Variants in TADA2A observed in about 807,000 individuals in gnomAD.
The protein encoded by TADA2A is transcriptional adapter 2-alpha.
Under a neutral mutation model 67.4 loss-of-function variants are expected in TADA2A, and 38 were observed. The observed-to-expected ratio is 0.56, with a 90% CI of 0.44 to 0.74. TADA2A has a LOEUF of 0.74. Ranked by LOEUF, TADA2A falls within the 30% of genes least tolerant of loss-of-function variation. The pLI is 0.00. For synonymous variants in TADA2A, 192 were observed against 181.6 expected (o/e 1.06, Z -0.46); for missense variants, 454 against 547.0 (o/e 0.83, Z 1.70).
intron 13 of TADA2A, 45 bp downstream of exon 13, chr17:37,470,577 C>G: frequency 1.4e-6 from 2 of 1,472,508 alleles, no homozygotes; most frequent in African/African-American, 1.4e-5. Context: ...TTCTGGGATG[C>G]CTTGGCCTTC....
rs906211923 is a variant in TADA2A at position 37,421,479 on chromosome 17, T to C, written c.26-2030T>C. On this transcript the variant is annotated intron_variant, in intron 2 of 15. Transcript: ENST00000615182. Reference sequence around the variant, plus strand: ...CCAAAATATGTATTTAGAAGAGACATGTATTTAGAGGCTAGCTGAGTGTGA... The same window carrying C: ...CCAAAATATGTATTTAGAAGAGACACGTATTTAGAGGCTAGCTGAGTGTGA... Among the ~76,000 whole-genome samples, 7 of 146,964 alleles carry C rather than the reference T, an allele frequency of 4.8e-5. 2 individuals carry two copies. Among genetic ancestry groups the C allele is most frequent in the Middle Eastern group, 7.1e-3 (2 of 282 alleles).
At chr17:37,427,991 A>G (rs1378913266) in intron 4 of TADA2A, among the ~76,000 whole-genome samples, 7 of 152,038 alleles carry the variant, frequency 4.6e-5, no homozygotes, top group African/African-American at 1.4e-4. Context: ...CAAAAAAAAA[A>G]AGACAGTTTT....
At chr17:37,463,342 G>A (rs1301362323) in intron 10 of TADA2A, among the ~76,000 whole-genome samples, 2 of 151,978 alleles carry the variant, frequency 1.3e-5, no homozygotes, top group Non-Finnish European at 2.9e-5. Flanking sequence ...ATAACCTAAT[G>A]GTTATTGTAA....
At chr17:37,463,074 G>A (rs1415269647) in intron 10 of TADA2A, among the ~76,000 whole-genome samples, 1 of 152,058 alleles carries the variant, frequency 6.6e-6, no homozygotes, top group Non-Finnish European at 1.5e-5. Context: ...CTGGGTGCAA[G>A]TGATCCTCCC....
chr17:37,431,307 C>T (rs1168233542), intron 4 of TADA2A, among the ~76,000 whole-genome samples: 1 of 152,038 alleles, frequency 6.6e-6, no homozygotes, highest in Admixed American at 6.6e-5. Flanking sequence ...GAGGGTGGCT[C>T]TTGGCTCCAC....
chr17:37,468,739 C>T (rs1437946925), intron 12 of TADA2A, among the ~76,000 whole-genome samples: 1 of 152,094 alleles, frequency 6.6e-6, no homozygotes, highest in African/African-American at 2.4e-5. Flanking sequence ...TGCATATAAG[C>T]ATAGCACAGT....
At chr17:37,457,174 T>C (rs748547325) in intron 8 of TADA2A, among the ~76,000 whole-genome samples, 4 of 143,992 alleles carry the variant, frequency 2.8e-5, no homozygotes, top group Non-Finnish European at 6.1e-5. Context: ...ACAATCATTA[T>C]TCTTTTTTTT....
intron 8 of TADA2A, among the ~76,000 whole-genome samples, chr17:37,451,551 A>T (rs2053233999): frequency 6.6e-6 from 1 of 151,924 alleles, no homozygotes; most frequent in Non-Finnish European, 1.5e-5. Context: ...CGAACTCCTA[A>T]GCTCAACCCA....
At chr17:37,421,190 G>T (rs2052220137) in intron 2 of TADA2A, among the ~76,000 whole-genome samples, 1 of 146,246 alleles carries the variant, frequency 6.8e-6, no homozygotes, top group South Asian at 2.2e-4. Flanking sequence ...AGACCAGTGT[G>T]GGCAACACAG....
At position 37,440,609 on chromosome 17, in the gene TADA2A, A is replaced by G. The variant is rs2052886550; in HGVS notation, c.389A>G (p.Asn130Ser). The change falls in exon 6 of 16, where the codon AAC becomes AGC. Residue 130 changes from asparagine to serine, a missense_variant. Asn to Ser is a conservative substitution (Grantham distance 46). Coordinates refer to ENST00000615182, the MANE Select transcript of TADA2A (RefSeq NM_001166105.3). ...CCTCTGTTTGCATCTACCCTGCTGAACCTGAAACAAGCAGAGGAAGCAAAA... is the reference window on the plus strand; with the variant it reads ...CCTCTGTTTGCATCTACCCTGCTGAGCCTGAAACAAGCAGAGGAAGCAAAA... ...NNPLFASTLL[N>S]LKQAEEAKTA... is the part of the protein sequence containing the mutation. 6 of 1,614,136 alleles carry G rather than the reference A, an allele frequency of 3.7e-6. No homozygotes were observed. The highest frequency in any genetic ancestry group is 4.2e-6 in the Non-Finnish European group (5 of 1,180,024).
chr17:37,475,101 G>A lies in TADA2A; in HGVS notation c.1146+472G>A, dbSNP rs112118729. Among the ~76,000 whole-genome samples, 813 of 151,774 alleles carry A rather than the reference G, an allele frequency of 5.4e-3. 3 individuals are homozygous for A. Among genetic ancestry groups the A allele is most frequent in the African/African-American group, 0.017 (696 of 41,426 alleles). On this transcript the variant is annotated intron_variant, in intron 15 of 15. Transcript: ENST00000615182. ...TCCAGAGCATGTTTATAAACCTAAG[G>A]AAAAGATTTCTACATCATATATAGT...
chr17:37,437,087 A>AT (rs779706863), intron 4 of TADA2A, among the ~76,000 whole-genome samples: 1,482 of 140,684 alleles, frequency 0.011, 33 homozygotes, highest in African/African-American at 0.03. Context: ...TTTATTTTTA[A>AT]TTTTTTTTTT....
intron 14 of TADA2A, among the ~76,000 whole-genome samples, chr17:37,471,352 A>G (rs1419666453): frequency 6.6e-6 from 1 of 152,204 alleles, no homozygotes; most frequent in African/African-American, 2.4e-5. Flanking sequence ...GAGTATAGAC[A>G]GTATAGAGAC....
intron 4 of TADA2A, 144 bp downstream of exon 4, chr17:37,427,153 C>T: frequency 1.7e-6 from 1 of 597,508 alleles, no homozygotes; most frequent in South Asian, 3.8e-5. Context: ...TACCTTTTCT[C>T]CCCTTCGGAA....
At chr17:37,445,213 A>G (rs1439653512) in intron 8 of TADA2A, among the ~76,000 whole-genome samples, 2 of 152,160 alleles carry the variant, frequency 1.3e-5, no homozygotes, top group Admixed American at 6.6e-5. Context: ...TTAGGCCCAA[A>G]TGGGGAATTT....
At chr17:37,412,170 C>T (rs1286607413) in intron 2 of TADA2A, among the ~76,000 whole-genome samples, 2 of 149,760 alleles carry the variant, frequency 1.3e-5, no homozygotes, top group Non-Finnish European at 3.0e-5. Flanking sequence ...GAGATTGTGC[C>T]ACTGCACTCC....
intron 4 of TADA2A, among the ~76,000 whole-genome samples, chr17:37,437,256 T>C (rs752620731): frequency 6.6e-5 from 10 of 151,558 alleles, no homozygotes; most frequent in Non-Finnish European, 1.0e-4. Context: ...CAGGCCCGGC[T>C]AATTTTTTAT....
At chr17:37,452,726 G>A (rs2053268787) in intron 8 of TADA2A, among the ~76,000 whole-genome samples, 1 of 151,506 alleles carries the variant, frequency 6.6e-6, no homozygotes, top group South Asian at 2.1e-4. Flanking sequence ...TTTATATGTA[G>A]CAACCCTATA....
chr17:37,459,956 C>G (rs1740776418), intron 9 of TADA2A, among the ~76,000 whole-genome samples: 1 of 151,496 alleles, frequency 6.6e-6, no homozygotes, highest in Non-Finnish European at 1.5e-5. Context: ...GTCCAAGCTA[C>G]TCGGGAGGCT....
Sources: gnomAD v4.1 joint callset for allele counts (sites outside exome capture counted in the v4.1 genomes callset) on GRCh38, gnomAD v4.1.1 for gene constraint, MANE v1.5 for transcripts, NCBI Gene and HGNC (gene_info 2026-07-23, HGNC 2026-07-21) for gene names.